Variants in TMTC2 observed in about 807,000 individuals in gnomAD.
TMTC2 encodes protein O-mannosyl-transferase TMTC2.
A neutral mutation model predicts 82.4 loss-of-function variants in TMTC2; 43 were observed. The ratio of observed to expected loss-of-function variants is 0.52; its 90% confidence interval spans 0.41 to 0.67. TMTC2 has a LOEUF of 0.67. TMTC2 is among the 30% of genes least tolerant of loss of function. TMTC2 has a pLI of 0.00. For synonymous variants in TMTC2, 408 were observed against 381.9 expected, an observed-to-expected ratio of 1.07 and a Z score of -0.80; for missense variants, 919 against 1,012.4, an observed-to-expected ratio of 0.91 and a Z score of 1.25.
chr12:82,819,097 A>G lies in TMTC2; in HGVS notation c.84-37913A>G, dbSNP rs750862309. Reference sequence around the variant, plus strand: ...TCACATAGATTTTAGAATTATTTATATACATCCTAGATGAGAAGAAAATTC... The same window carrying G: ...TCACATAGATTTTAGAATTATTTATGTACATCCTAGATGAGAAGAAAATTC... On this transcript the variant is annotated intron_variant, in intron 1 of 11. Coordinates refer to ENST00000321196, the MANE Select transcript of TMTC2 (RefSeq NM_152588.3). Among the ~76,000 whole-genome samples the G allele has an allele frequency of 2.2e-4, 34 of 152,054 alleles. 1 individual carries two copies. Among genetic ancestry groups the G allele is most frequent in the South Asian group, 2.1e-4 (1 of 4,822 alleles).
At chr12:82,800,481 T>C (rs549746021) in intron 1 of TMTC2, among the ~76,000 whole-genome samples, 1 of 152,302 alleles carries the variant, frequency 6.6e-6, no homozygotes, top group East Asian at 1.9e-4. Context: ...TTTCTCCTCT[T>C]TCAAGCTGTT....
chr12:83,114,640 ATCTC>A (rs1385676619), intron 11 of TMTC2, among the ~76,000 whole-genome samples: 8 of 152,232 alleles, frequency 5.3e-5, no homozygotes, highest in African/African-American at 1.9e-4. Flanking sequence ...ATAAACTATT[ATCTC>A]TCAGTTGATC....
intron 1 of TMTC2, among the ~76,000 whole-genome samples, chr12:82,808,563 T>C (rs1879346301): frequency 1.3e-5 from 2 of 152,068 alleles, no homozygotes. Context: ...AAACCCTTAC[T>C]CCTTTCATTT....
intron 11 of TMTC2, among the ~76,000 whole-genome samples, chr12:83,069,419 G>A (rs1269990987): frequency 1.3e-5 from 2 of 152,138 alleles, no homozygotes; most frequent in African/African-American, 2.4e-5. Flanking sequence ...TTGCAGTATG[G>A]TTTTGATTTG....
In TMTC2 at chr12:82,752,147, C is replaced by CATTTTTTTTTTTTTT. The variant is rs58427886; in HGVS notation, c.83+64478_83+64479insATTTTTTTTTTTTTT. Among the ~76,000 whole-genome samples, 7 of 137,928 alleles carry CATTTTTTTTTTTTTT rather than the reference C, an allele frequency of 5.1e-5. 3 individuals carry two copies. Among genetic ancestry groups the CATTTTTTTTTTTTTT allele is most frequent in the Non-Finnish European group, 7.6e-5 (5 of 66,034 alleles). The allele number at this position is 137,928 out of a possible 152,430, so 90.5% of individuals were successfully genotyped here. ...ATGTTTTTATATTTATTGGAAGCTC[C>CATTTTTTTTTTTTTT]TTTTTTTTTTTTTTTTTTTCTGAAG... On this transcript the variant is annotated intron_variant, in intron 1 of 11. Coordinates refer to ENST00000321196, the MANE Select transcript of TMTC2 (RefSeq NM_152588.3).
intron 3 of TMTC2, among the ~76,000 whole-genome samples, chr12:82,916,207 T>C (rs1018954912): frequency 1.3e-4 from 20 of 152,208 alleles, no homozygotes. Flanking sequence ...ATTCCCCAAG[T>C]GTTCCATTAA....
intron 11 of TMTC2, among the ~76,000 whole-genome samples, chr12:83,071,158 T>G (rs999374126): frequency 1.7e-5 from 2 of 115,804 alleles, no homozygotes; most frequent in East Asian, 2.4e-4. Context: ...TGTTTTTTTT[T>G]TTGTTTTTTT....
Position 82,914,978 on chromosome 12 carries a change from A to T in TMTC2, c.1484-15453A>T, listed in dbSNP as rs2137217009. 2.0e-5 allele frequency among the ~76,000 whole-genome samples: 3 copies of T among 151,998 alleles called. No individual in the cohort carries two copies. In the East Asian group the frequency reaches 5.8e-4, roughly 29 times the overall value. ...GTAGGTGGGATTACAGGCATGCACC[A>T]CCACGCCCGGCTAATTTTGTATTTT... On this transcript the variant is annotated intron_variant, in intron 3 of 11. Coordinates refer to ENST00000321196, the MANE Select transcript of TMTC2 (RefSeq NM_152588.3).
chr12:82,942,760 G>A lies in TMTC2; in HGVS notation c.1598+12215G>A, dbSNP rs80230356. 5.8e-3 allele frequency among the ~76,000 whole-genome samples: 881 copies of A among 152,140 alleles called. 11 individuals carry two copies. Among genetic ancestry groups the A allele is most frequent in the African/African-American group, 0.02 (832 of 41,504 alleles). ...AGAATTACTACATGATGACCTGGAC[G>A]TCTGCAGAATGGTAAAGGAGAAGTC... On this transcript the variant is annotated intron_variant, in intron 4 of 11. Coordinates refer to ENST00000321196, the MANE Select transcript of TMTC2 (RefSeq NM_152588.3).
chr12:82,848,704 T>A (rs182238344), intron 1 of TMTC2, among the ~76,000 whole-genome samples: 1 of 152,294 alleles, frequency 6.6e-6, no homozygotes, highest in African/African-American at 2.4e-5. Context: ...TTTCAAAGCA[T>A]ACATTTCTTC....
intron 1 of TMTC2, among the ~76,000 whole-genome samples, chr12:82,691,338 A>C (rs550267081): frequency 6.6e-6 from 1 of 152,262 alleles, no homozygotes; most frequent in African/African-American, 2.4e-5. Flanking sequence ...ATTTTTTGAA[A>C]CTTGGAGAAA....
chr12:83,130,457 A>G (rs558048970), intron 11 of TMTC2, among the ~76,000 whole-genome samples: 1 of 152,292 alleles, frequency 6.6e-6, no homozygotes, highest in African/African-American at 2.4e-5. Context: ...ATTTTTCTTG[A>G]TAAGTATGGA....
rs200381450 is a variant in TMTC2 at position 82,896,631 on chromosome 12, G to A, written c.1468G>A (p.Val490Ile). ...AATGCTTTATAGATCAGGGATAAAA[G>A]TAAACCCAGCTAAAGGTAATCTTTT... ...EEMLYRSGIK[V>I]NPAKAWGNLG... The change falls in exon 3 of 12, where the codon GTA becomes ATA. Residue 490 changes from valine to isoleucine, a missense_variant. By Grantham distance (29) the Val-to-Ile change is conservative. Coordinates refer to ENST00000321196, the MANE Select transcript of TMTC2 (RefSeq NM_152588.3). The A allele has an allele frequency of 1.3e-5, 21 of 1,605,540 alleles. No individual in the cohort carries two copies. In the East Asian group the frequency reaches 4.5e-4, roughly 34 times the overall value.
intron 4 of TMTC2, among the ~76,000 whole-genome samples, chr12:82,936,399 A>G (rs1876321095): frequency 6.6e-6 from 1 of 152,136 alleles, no homozygotes; most frequent in Admixed American, 6.6e-5. Flanking sequence ...AAGGACAACA[A>G]CAACAACAAA....
intron 7 of TMTC2, among the ~76,000 whole-genome samples, chr12:82,969,151 G>A (rs577679374): frequency 6.6e-6 from 1 of 152,254 alleles, no homozygotes; most frequent in East Asian, 1.9e-4. Context: ...CAGGAGATAA[G>A]CTGCCCTATC....
intron 4 of TMTC2, among the ~76,000 whole-genome samples, chr12:82,945,855 T>C (rs1402464087): frequency 1.3e-5 from 2 of 152,194 alleles, no homozygotes; most frequent in African/African-American, 2.4e-5. Context: ...CCCTATATGA[T>C]GGAAAAGTTA....
chr12:83,116,382 G>T (rs536561289), intron 11 of TMTC2, among the ~76,000 whole-genome samples: 3 of 152,286 alleles, frequency 2.0e-5, no homozygotes, highest in African/African-American at 7.2e-5. Context: ...ATTGCAAATT[G>T]TGCTGCTGTA....
intron 4 of TMTC2, among the ~76,000 whole-genome samples, chr12:82,951,785 G>A (rs1490943877): frequency 6.6e-6 from 1 of 152,150 alleles, no homozygotes; most frequent in Admixed American, 6.5e-5. Flanking sequence ...GAAAGTACGT[G>A]TTTTAAAGAA....
At chr12:82,917,421 C>A (rs1875062335) in intron 3 of TMTC2, among the ~76,000 whole-genome samples, 1 of 151,998 alleles carries the variant, frequency 6.6e-6, no homozygotes, top group Non-Finnish European at 1.5e-5. Flanking sequence ...GACTTTGGAA[C>A]CAGACAGACA....
Sources: allele counts gnomAD v4.1 joint callset (sites outside exome capture counted in the v4.1 genomes callset), GRCh38; gene constraint gnomAD v4.1.1; transcripts MANE v1.5; gene names NCBI Gene and HGNC (gene_info 2026-07-23, HGNC 2026-07-21).